Variants in CSMD3 observed in about 807,000 individuals in gnomAD.
CSMD3 encodes CUB and Sushi multiple domains 3.
Under a neutral mutation model 435.2 loss-of-function variants are expected in CSMD3, and 177 were observed. The observed-to-expected ratio is 0.41, with a 90% confidence interval of 0.36 to 0.46. The LOEUF (loss-of-function observed/expected upper bound fraction) is 0.46. Ranked by LOEUF, CSMD3 falls within the 20% of genes least tolerant of loss-of-function variation. The pLI, the probability that CSMD3 is intolerant of heterozygous loss-of-function variation, is 0.34. For synonymous variants in CSMD3, 1,656 were observed against 1,520.5 expected, an observed-to-expected ratio of 1.09 and a Z score of -2.07; for missense variants, 4,265 against 4,504.6, an observed-to-expected ratio of 0.95 and a Z score of 1.52.
chr8:112,432,041 T>G (rs2130404610), intron 32 of CSMD3, among the ~76,000 whole-genome samples: 1 of 152,212 alleles, frequency 6.6e-6, no homozygotes. Flanking sequence ...TCTCTCATCT[T>G]TTGATTCTAC....
At chr8:113,327,181 C>G (rs946277560) in intron 1 of CSMD3, among the ~76,000 whole-genome samples, 17 of 152,064 alleles carry the variant, frequency 1.1e-4, no homozygotes, top group Admixed American at 8.5e-4. Flanking sequence ...CAGCTGACAT[C>G]CTGCTGTTAT....
intron 63 of CSMD3, among the ~76,000 whole-genome samples, chr8:112,250,360 T>C (rs970001432): frequency 2.0e-5 from 3 of 151,786 alleles, no homozygotes; most frequent in African/African-American, 7.2e-5. Flanking sequence ...TTTTGTCAAA[T>C]TCACAAATAC....
At chr8:112,649,868 T>C (rs1456880126) in intron 19 of CSMD3, among the ~76,000 whole-genome samples, 1 of 152,144 alleles carries the variant, frequency 6.6e-6, no homozygotes, top group Non-Finnish European at 1.5e-5. Flanking sequence ...TTCAAGGCTG[T>C]TTTGAAAAGG....
chr8:112,410,147 T>A (rs1287610277), intron 32 of CSMD3, among the ~76,000 whole-genome samples: 1 of 151,868 alleles, frequency 6.6e-6, no homozygotes, highest in Non-Finnish European at 1.5e-5. Context: ...TGAATTCAGG[T>A]ATACACATAA....
intron 8 of CSMD3, 114 bp from the exon 9 acceptor site, chr8:112,947,991 ACT>A: frequency 6.5e-6 from 4 of 611,854 alleles, no homozygotes; most frequent in South Asian, 5.9e-5. Context: ...CACTATAATC[ACT>A]GTCATTTAAG....
rs546523486 is a variant in CSMD3 at position 113,215,793 on chromosome 8, C to T, written c.515-41877G>A. Among the ~76,000 whole-genome samples, 11 of 151,834 alleles carry T rather than the reference C, an allele frequency of 7.2e-5. No individual in the cohort carries two copies. In the South Asian group the frequency reaches 2.3e-3, roughly 31 times the overall value. On this transcript the variant is annotated intron_variant, in intron 3 of 70. Coordinates refer to ENST00000297405, the MANE Select transcript of CSMD3 (RefSeq NM_198123.2). Reference sequence around the variant, plus strand: ...TATTAAACTAATCTATGTAACCTTTCAAATGTTCTCATTCATCTTTAGGAC... The same window carrying T: ...TATTAAACTAATCTATGTAACCTTTTAAATGTTCTCATTCATCTTTAGGAC...
intron 45 of CSMD3, among the ~76,000 whole-genome samples, chr8:112,320,188 C>A (rs542050740): frequency 6.6e-6 from 1 of 152,112 alleles, no homozygotes; most frequent in African/African-American, 2.4e-5. Context: ...ACTTTTTATT[C>A]TTTATTTCTT....
At chr8:112,622,657 AG>A (rs1834167150) in intron 22 of CSMD3, among the ~76,000 whole-genome samples, 2 of 152,166 alleles carry the variant, frequency 1.3e-5, no homozygotes, top group Non-Finnish European at 2.9e-5. Context: ...CTGAATTAAT[AG>A]GGACTCTATA....
chr8:113,242,638 C>T (rs1323361181), intron 3 of CSMD3, among the ~76,000 whole-genome samples: 1 of 151,906 alleles, frequency 6.6e-6, no homozygotes, highest in Non-Finnish European at 1.5e-5. Flanking sequence ...CTTAAAGATC[C>T]TTTTTATTTT....
At chr8:113,247,209 TATTTA>T (rs1215264516) in intron 3 of CSMD3, among the ~76,000 whole-genome samples, 1 of 152,192 alleles carries the variant, frequency 6.6e-6, no homozygotes, top group Non-Finnish European at 1.5e-5. Flanking sequence ...AACTAACACT[TATTTA>T]TTTATTGACA....
At chr8:112,993,668 T>C (rs1476134996) in intron 6 of CSMD3, among the ~76,000 whole-genome samples, 1 of 151,760 alleles carries the variant, frequency 6.6e-6, no homozygotes, top group South Asian at 2.1e-4. Flanking sequence ...AAAGAAAATA[T>C]ACAAAAGTAA....
intron 32 of CSMD3, among the ~76,000 whole-genome samples, chr8:112,458,619 G>T (rs1372165540): frequency 2.6e-5 from 4 of 152,056 alleles, no homozygotes; most frequent in African/African-American, 9.7e-5. Flanking sequence ...CTAGGCAAAA[G>T]GCCAAGACTG....
intron 22 of CSMD3, among the ~76,000 whole-genome samples, chr8:112,605,461 C>G (rs757408387): frequency 1.3e-5 from 2 of 152,034 alleles, no homozygotes; most frequent in Non-Finnish European, 2.9e-5. Flanking sequence ...AAGGAATGAA[C>G]TCATGTTCTC....
chr8:112,721,051 T>A (rs535105792), intron 13 of CSMD3, among the ~76,000 whole-genome samples: 312 of 152,244 alleles, frequency 2.0e-3, no homozygotes, highest in African/African-American at 7.3e-3. Context: ...ATCAAGAAGT[T>A]AGTGTCCATA....
intron 3 of CSMD3, among the ~76,000 whole-genome samples, chr8:113,245,452 A>G (rs1473876089): frequency 1.3e-5 from 2 of 152,032 alleles, no homozygotes; most frequent in Non-Finnish European, 2.9e-5. Flanking sequence ...CTGTAGATTA[A>G]AACACATGCA....
intron 32 of CSMD3, among the ~76,000 whole-genome samples, chr8:112,443,701 A>G (rs1475549998): frequency 3.3e-5 from 5 of 152,128 alleles, no homozygotes; most frequent in Admixed American, 3.3e-4. Flanking sequence ...AAAGTCAGCC[A>G]TATTGATTTC....
chr8:113,006,448 T>A (rs1279378393), intron 6 of CSMD3, among the ~76,000 whole-genome samples: 1 of 151,992 alleles, frequency 6.6e-6, no homozygotes, highest in Non-Finnish European at 1.5e-5. Context: ...GAGTGATACC[T>A]TTTAGCACCA....
intron 45 of CSMD3, among the ~76,000 whole-genome samples, chr8:112,333,690 AC>A (rs1824291579): frequency 6.6e-6 from 1 of 151,270 alleles, no homozygotes; most frequent in South Asian, 2.1e-4. Context: ...ACACACACAC[AC>A]ACAACACTGA....
At chr8:113,299,149 A>G (rs1306770049) in intron 2 of CSMD3, among the ~76,000 whole-genome samples, 1 of 152,194 alleles carries the variant, frequency 6.6e-6, no homozygotes, top group Non-Finnish European at 1.5e-5. Flanking sequence ...TGTATGATAA[A>G]GGATAAATAC....
Sources: gnomAD v4.1 joint callset for allele counts (sites outside exome capture counted in the v4.1 genomes callset) on GRCh38, gnomAD v4.1.1 for gene constraint, MANE v1.5 for transcripts, NCBI Gene and HGNC (gene_info 2026-07-23, HGNC 2026-07-21) for gene names.